RPS6KA2: variants seen among roughly 807,000 people sequenced by gnomAD.
The protein encoded by RPS6KA2 is ribosomal protein S6 kinase A2, also known as ribosomal protein S6 kinase alpha-2.
A neutral mutation model predicts 91.8 loss-of-function variants in RPS6KA2; 42 were observed. That is an observed-to-expected ratio of 0.46 (90% CI 0.36 to 0.59). The LOEUF is 0.59. RPS6KA2 is among the 20% of genes least tolerant of loss of function. RPS6KA2 has a pLI of 0.00. For missense variants in RPS6KA2, 798 were observed against 978.5 expected (o/e 0.82, Z 2.46); for synonymous variants, 414 against 393.6 (o/e 1.05, Z -0.61).
intron 1 of RPS6KA2, among the ~76,000 whole-genome samples, chr6:166,609,651 C>G (rs941688370): frequency 6.6e-6 from 1 of 151,976 alleles, no homozygotes; most frequent in Non-Finnish European, 1.5e-5. Context: ...AGGCGCATGC[C>G]ACCACTCCCA....
intron 2 of RPS6KA2, among the ~76,000 whole-genome samples, chr6:166,660,649 G>T (rs1254479497): frequency 6.6e-6 from 1 of 152,132 alleles, no homozygotes. Context: ...GTATTTCAAA[G>T]AATCATTTGG....
intron 1 of RPS6KA2, among the ~76,000 whole-genome samples, chr6:166,572,839 C>T (rs1784729794): frequency 6.6e-6 from 1 of 152,254 alleles, no homozygotes; most frequent in Non-Finnish European, 1.5e-5. Context: ...GAGCAGCTCC[C>T]ACGTCCTCTG....
chr6:166,679,680 C>T (rs1372664064), intron 2 of RPS6KA2, among the ~76,000 whole-genome samples: 2 of 152,210 alleles, frequency 1.3e-5, no homozygotes, highest in African/African-American at 4.8e-5. Context: ...CCCTTCAGCC[C>T]GCTGCTGTGC....
At chr6:166,833,871 A>T (rs777210815) in intron 2 of RPS6KA2, among the ~76,000 whole-genome samples, 1 of 152,028 alleles carries the variant, frequency 6.6e-6, no homozygotes, top group Admixed American at 6.6e-5. Context: ...CCTTTTGCAT[A>T]AATTCCTTTT....
At chr6:166,538,597 C>T in intron 2 of RPS6KA2, 71 bp downstream of exon 2, 1 of 857,710 alleles carries the variant, frequency 1.2e-6, no homozygotes, top group Non-Finnish European at 2.0e-6. Flanking sequence ...AATTTTCATC[C>T]AGGGGGGCTC....
intron 2 of RPS6KA2, among the ~76,000 whole-genome samples, chr6:166,687,196 C>T (rs1326734535): frequency 6.6e-6 from 1 of 152,200 alleles, no homozygotes; most frequent in African/African-American, 2.4e-5. Context: ...CCACCGCGGG[C>T]AGAGTTCCTC....
intron 1 of RPS6KA2, among the ~76,000 whole-genome samples, chr6:166,621,288 T>C (rs1398941815): frequency 6.6e-6 from 1 of 152,230 alleles, no homozygotes; most frequent in Non-Finnish European, 1.5e-5. Context: ...GTTACGCACA[T>C]TTGTCCTCCA....
intron 3 of RPS6KA2, among the ~76,000 whole-genome samples, 197 bp from the exon 4 acceptor site, chr6:166,510,554 C>CTCAT (rs59013546): frequency 2.5e-5 from 2 of 78,770 alleles, no homozygotes; most frequent in Non-Finnish European, 2.5e-5. Flanking sequence ...TTCTCTCTCT[C>CTCAT]ATATATATAT....
At position 166,469,082 on chromosome 6, in the gene RPS6KA2, A is replaced by G. The variant is rs188946477; in HGVS notation, c.972+759T>C. ...GGTATCGCCTTCCTCAGATGGAAGG[A>G]ACAGCCTCCGAGTTTTAGCCGCGAG... On this transcript the variant is annotated intron_variant, in intron 11 of 20. Transcript: ENST00000265678. Among the ~76,000 whole-genome samples the G allele has an allele frequency of 4.8e-4, 73 of 152,328 alleles. 1 individual carries two copies. The East Asian group carries it at 0.011, about 23-fold the overall frequency.
chr6:166,728,254 G>A (rs1251459771), intron 2 of RPS6KA2, among the ~76,000 whole-genome samples: 1 of 152,114 alleles, frequency 6.6e-6, no homozygotes, highest in Non-Finnish European at 1.5e-5. Flanking sequence ...GACTGGCCAG[G>A]GTGATTCAGA....
Position 166,726,991 on chromosome 6 carries a change from G to A in RPS6KA2, c.123+131209C>T, listed in dbSNP as rs1790357396. ...GACATGGCCATTCCCAGGTATCTAG[G>A]TGTTCCTCCACTGATCAGAAACTTA... is the stretch of plus-strand genomic sequence containing the variant. On this transcript the variant is annotated intron_variant, in intron 2 of 21. Transcript: ENST00000503859. This position sits in a 1 kb window ranked among gnomAD's most constrained non-coding sequence, Gnocchi z 4.4. 6.6e-6 allele frequency among the ~76,000 whole-genome samples: 1 copy of A among 152,238 alleles called. No homozygotes were observed. The highest frequency in any genetic ancestry group is 1.9e-4 in the East Asian group (1 of 5,184).
intron 2 of RPS6KA2, among the ~76,000 whole-genome samples, chr6:166,678,502 G>A (rs1788682821): frequency 5.3e-5 from 8 of 152,302 alleles, no homozygotes; most frequent in Middle Eastern, 3.4e-3. Flanking sequence ...TCAGTTTCCT[G>A]CCTTCAATCC....
At position 166,836,153 on chromosome 6, in the gene RPS6KA2, AT is replaced by A. The variant is rs1201246302; in HGVS notation, c.123+22046del. Reference sequence around the variant, plus strand: ...TATTTTCCTAAGGAAAATATATATTATTTTTTAAGTGTATATTTAGGAGAGA... The same window carrying A: ...TATTTTCCTAAGGAAAATATATATTATTTTTAAGTGTATATTTAGGAGAGA... On this transcript the variant is annotated intron_variant, in intron 2 of 21. Coordinates refer to the RPS6KA2 transcript ENST00000503859. Among the ~76,000 whole-genome samples, 4 of 151,948 alleles carry A rather than the reference AT, an allele frequency of 2.6e-5. No individual in the cohort carries two copies. In the South Asian group the frequency reaches 6.2e-4, roughly 24 times the overall value.
chr6:166,463,343 C>A (rs1780394981), intron 11 of RPS6KA2: 1 of 152,182 alleles, frequency 6.6e-6, no homozygotes, highest in Non-Finnish European at 1.5e-5. Flanking sequence ...CTTAACGAGA[C>A]AGACACTGGC....
intron 3 of RPS6KA2, among the ~76,000 whole-genome samples, chr6:166,518,728 A>G (rs1251040841): frequency 6.6e-6 from 1 of 152,236 alleles, no homozygotes; most frequent in African/African-American, 2.4e-5. Flanking sequence ...ATTACTGCTG[A>G]CAACACTGTG....
rs527345017 is a variant in RPS6KA2, at chr6:166,565,778, G to A, written c.100-26994C>T. On this transcript the variant is annotated intron_variant, in intron 1 of 20. Coordinates refer to ENST00000265678, the MANE Select transcript of RPS6KA2 (RefSeq NM_021135.6). ...GTGCTCCTGTGTGGGCCAACAGGAC[G>A]GCCGATGGCCTGGAAGACAGTGTGA... Among the ~76,000 whole-genome samples, 11 of 152,248 alleles carry A rather than the reference G, an allele frequency of 7.2e-5. No individual in the cohort carries two copies. The East Asian group carries it at 1.5e-3, about 21-fold the overall frequency.
intron 2 of RPS6KA2, among the ~76,000 whole-genome samples, chr6:166,685,890 T>C (rs927140766): frequency 2.1e-4 from 32 of 151,934 alleles, no homozygotes; most frequent in Admixed American, 9.8e-4. Flanking sequence ...ACTCCTACCA[T>C]CGAGTGATCC....
intron 2 of RPS6KA2, among the ~76,000 whole-genome samples, chr6:166,748,671 T>C (rs367597499): frequency 0.019 from 260 of 13,522 alleles, 13 homozygotes; most frequent in South Asian, 0.035. Context: ...CAGGCCCCCA[T>C]CTCCTCGGTC....
chr6:166,475,969 A>T, intron 10 of RPS6KA2: 1 of 386,486 alleles, frequency 2.6e-6, no homozygotes, highest in Admixed American at 3.2e-5. Context: ...AACTCCCCCA[A>T]ATTTGTATGC....
Sources: gnomAD v4.1 joint callset for allele counts (sites outside exome capture counted in the v4.1 genomes callset) on GRCh38, gnomAD v4.1.1 for gene constraint, Gnocchi (gnomAD v3.1) non-coding constraint, MANE v1.5 for transcripts, NCBI Gene and HGNC (gene_info 2026-07-23, HGNC 2026-07-21) for gene names.